KIF6: variants seen among roughly 807,000 people sequenced by gnomAD.
KIF6 encodes kinesin family member 6.
A neutral mutation model predicts 112.7 loss-of-function variants in KIF6; 106 were observed. That is an observed-to-expected ratio of 0.94 (90% CI 0.80 to 1.11). KIF6 has a LOEUF of 1.11. KIF6 is among the 50% of genes least tolerant of loss of function. KIF6 has a pLI of 0.00. For missense variants in KIF6, 929 were observed against 964.0 expected (o/e 0.96, Z 0.48); for synonymous variants, 339 against 339.9 (o/e 1.00, Z 0.03).
intron 22 of KIF6, among the ~76,000 whole-genome samples, 195 bp from the exon 23 acceptor site, chr6:39,336,743 G>T (rs1562101373): frequency 6.6e-6 from 1 of 152,088 alleles, no homozygotes; most frequent in Non-Finnish European, 1.5e-5. Flanking sequence ...CTTTGCAGAA[G>T]CTCCATCTCC....
At chr6:39,530,879 A>T (rs1439749689) in intron 13 of KIF6, among the ~76,000 whole-genome samples, 2 of 152,188 alleles carry the variant, frequency 1.3e-5, no homozygotes, top group African/African-American at 2.4e-5. Flanking sequence ...TAGTTTATAC[A>T]AGCCTCTTGT....
At chr6:39,419,242 C>T (rs1308602460) in intron 15 of KIF6, among the ~76,000 whole-genome samples, 1 of 149,476 alleles carries the variant, frequency 6.7e-6, no homozygotes, top group Non-Finnish European at 1.5e-5. Context: ...TAGTCCCAGT[C>T]ACATGGGAAG....
At chr6:39,425,790 A>T (rs1455642912) in intron 14 of KIF6, among the ~76,000 whole-genome samples, 4 of 148,170 alleles carry the variant, frequency 2.7e-5, no homozygotes, top group African/African-American at 1.0e-4. Flanking sequence ...AAAGATGTAA[A>T]TACAAAAAAA....
At chr6:39,600,114 T>C (rs541365286) in intron 6 of KIF6, among the ~76,000 whole-genome samples, 11 of 152,330 alleles carry the variant, frequency 7.2e-5, no homozygotes. Flanking sequence ...AGGATGTCTT[T>C]ATGTCTCATA....
At chr6:39,381,918 C>T (rs716951) in intron 16 of KIF6, among the ~76,000 whole-genome samples, 4,293 of 152,232 alleles carry the variant, frequency 0.028, 171 homozygotes, top group East Asian at 0.21. Flanking sequence ...TCAGAAGACT[C>T]CCAGAGAGAT....
rs61757646 is a variant in KIF6 at position 39,431,073 on chromosome 6, G to A, written c.1734C>T (p.Asn578=). ...DHADSVTIDD[N]KQILKQRFSE... The stretch of plus-strand genomic sequence containing the variant: ...CTTACCTCTGTTTCAGAATCTGTTT[G>A]TTGTCATCGATGGTAACGCTGTCAG... The change falls in exon 14 of 23, where the codon AAC becomes AAT. Residue 578 remains asparagine (N), a synonymous_variant. Coordinates refer to ENST00000287152, the MANE Select transcript of KIF6 (RefSeq NM_145027.6). The A allele has an allele frequency of 1.4e-3, 2,272 of 1,612,296 alleles. 24 individuals carry two copies. In the African/African-American group the frequency reaches 0.025, roughly 18 times the overall value.
intron 13 of KIF6, among the ~76,000 whole-genome samples, chr6:39,487,235 T>C (rs1385511182): frequency 6.6e-6 from 1 of 152,336 alleles, no homozygotes; most frequent in South Asian, 2.1e-4. Context: ...ATATACTACG[T>C]TGCTGTCATG....
chr6:39,366,895 T>A (rs1357627578), intron 16 of KIF6, among the ~76,000 whole-genome samples: 1 of 151,408 alleles, frequency 6.6e-6, no homozygotes. Context: ...GTTGAGCATT[T>A]TTTTTTTTTT....
intron 13 of KIF6, among the ~76,000 whole-genome samples, chr6:39,433,354 C>T (rs11961940): frequency 1.1e-3 from 170 of 152,296 alleles, no homozygotes; most frequent in Admixed American, 2.0e-3. Flanking sequence ...TCGTTGTGTA[C>T]GGTCTTGAAG....
chr6:39,371,995 A>G (rs1766038098), intron 16 of KIF6, among the ~76,000 whole-genome samples: 1 of 152,168 alleles, frequency 6.6e-6, no homozygotes, highest in Non-Finnish European at 1.5e-5. Flanking sequence ...TCTTGAGGAA[A>G]TCGAGCCTTA....
At chr6:39,713,316 T>A (rs1038678022) in intron 3 of KIF6, among the ~76,000 whole-genome samples, 2 of 152,324 alleles carry the variant, frequency 1.3e-5, no homozygotes, top group South Asian at 4.1e-4. Context: ...TGGGAAATGA[T>A]CATTATTAAA....
chr6:39,581,161 C>CT (rs60321520), intron 9 of KIF6, among the ~76,000 whole-genome samples: 2,747 of 78,630 alleles, frequency 0.035, 65 homozygotes, highest in Non-Finnish European at 0.043. Context: ...GCTTTACTTT[C>CT]TTTTTTTTTT....
chr6:39,533,742 C>T (rs1163551421), intron 13 of KIF6, among the ~76,000 whole-genome samples: 1 of 152,228 alleles, frequency 6.6e-6, no homozygotes, highest in African/African-American at 2.4e-5. Context: ...GATCTGAGAA[C>T]TGGCAGACTG....
intron 13 of KIF6, among the ~76,000 whole-genome samples, chr6:39,480,418 G>T (rs144087368): frequency 0.062 from 9,463 of 152,152 alleles, 501 homozygotes; most frequent in East Asian, 0.25. Flanking sequence ...GATCATGGTG[G>T]ATTATCTTTT....
intron 7 of KIF6, among the ~76,000 whole-genome samples, chr6:39,590,168 G>A (rs1781854875): frequency 1.3e-5 from 2 of 152,162 alleles, no homozygotes; most frequent in African/African-American, 4.8e-5. Context: ...TTAAGTATCT[G>A]AAACAGGCAA....
intron 10 of KIF6, among the ~76,000 whole-genome samples, chr6:39,558,567 T>G (rs918374374): frequency 2.6e-5 from 4 of 152,206 alleles, no homozygotes; most frequent in African/African-American, 9.6e-5. Context: ...GGGTCCCATT[T>G]CTTGTTTTAA....
chr6:39,656,954 G>C (rs564739281), intron 3 of KIF6, among the ~76,000 whole-genome samples: 1 of 152,176 alleles, frequency 6.6e-6, no homozygotes, highest in South Asian at 2.1e-4. Flanking sequence ...TCTTTGGCCG[G>C]GCATGGTGGC....
At position 39,419,920 on chromosome 6, in the gene KIF6, A is replaced by C. The variant is rs147887165; in HGVS notation, c.1810+28T>G. 15 of 1,588,170 alleles carry C rather than the reference A, an allele frequency of 9.4e-6. No individual in the cohort carries two copies. In the East Asian group the frequency reaches 3.4e-4, roughly 36 times the overall value. ...TTTCACCAGGAAAATGGTTTCTGAA[A>C]GAGGCTCACAGAATATCATCTGCTT... On this transcript the variant is annotated intron_variant, in intron 15 of 22. Transcript: ENST00000287152.
At chr6:39,441,832 T>A (rs1377058173) in intron 13 of KIF6, among the ~76,000 whole-genome samples, 1 of 152,220 alleles carries the variant, frequency 6.6e-6, no homozygotes, top group East Asian at 1.9e-4. Context: ...GCTAAAGTCC[T>A]CAGATTAGGA....
Sources: allele counts gnomAD v4.1 joint callset (sites outside exome capture counted in the v4.1 genomes callset), GRCh38; gene constraint gnomAD v4.1.1; transcripts MANE v1.5; gene names NCBI Gene and HGNC (gene_info 2026-07-23, HGNC 2026-07-21).